PSIP1: variants seen among roughly 807,000 people sequenced by gnomAD.
PSIP1 encodes the protein PC4 and SFRS1-interacting protein.
A neutral mutation model predicts 74.7 loss-of-function variants in PSIP1; 19 were observed. That is an observed-to-expected ratio of 0.25 (90% CI 0.18 to 0.37). The LOEUF (loss-of-function observed/expected upper bound fraction) is 0.37. Ranked by LOEUF, PSIP1 falls within the 10% of genes least tolerant of loss-of-function variation. The probability of loss-of-function intolerance (pLI) is 1.00; values close to 1 mark genes in which losing one functional copy is unlikely to be tolerated. For synonymous variants in PSIP1, 222 were observed against 195.3 expected, an observed-to-expected ratio of 1.14 and a Z score of -1.14; for missense variants, 601 against 614.3, an observed-to-expected ratio of 0.98 and a Z score of 0.23.
Position 15,506,412 on chromosome 9 carries a change from C to G in PSIP1, c.149+149G>C. 7 of 512,882 alleles carry G rather than the reference C, an allele frequency of 1.4e-5. No individual in the cohort carries two copies. The East Asian group carries it at 2.0e-4, about 15-fold the overall frequency. The allele number at this position is 512,882 out of a possible 1,614,324, so 31.8% of individuals were successfully genotyped here. The stretch of plus-strand genomic sequence containing the variant: ...AACCTATAGCATCTGTAAACGCTAC[C>G]TTAAAAATAGAGACTTAAAGACTCT... On this transcript the variant is annotated intron_variant, in intron 3 of 15. Transcript: ENST00000380733.
Position 15,465,586 on chromosome 9 carries a change from G to T in PSIP1, c.1533-6C>A, listed in dbSNP as rs775234720. On this transcript the variant is annotated splice_polypyrimidine_tract_variant and splice_region_variant and intron_variant, in intron 15 of 15. Coordinates refer to ENST00000380733, the MANE Select transcript of PSIP1 (RefSeq NM_033222.5). ...CTCTCTCTTCACTGGATGGCCTGAA[G>T]AAAAGGGGGAAAGGTACAACTGGAA... 10 of 1,566,468 alleles carry T rather than the reference G, an allele frequency of 6.4e-6. No homozygotes were observed. Among genetic ancestry groups the T allele is most frequent in the Non-Finnish European group, 8.7e-6 (10 of 1,143,498 alleles).
chr9:15,478,613 A>G (rs976577981), intron 7 of PSIP1, 61 bp from the exon 8 acceptor site: 58 of 1,107,800 alleles, frequency 5.2e-5, no homozygotes, highest in Admixed American at 2.9e-4. Context: ...TACAAATCTC[A>G]GATATAAATA....
At chr9:15,492,320 A>C (rs909925564) in intron 3 of PSIP1, 1 of 152,280 alleles carries the variant, frequency 6.6e-6, no homozygotes, top group African/African-American at 2.4e-5. Flanking sequence ...GAAACTGACT[A>C]AAACAAAGGG....
intron 4 of PSIP1, 99 bp from the exon 5 acceptor site, chr9:15,487,030 A>C (rs2036586705): frequency 1.4e-5 from 10 of 704,464 alleles, no homozygotes; most frequent in Non-Finnish European, 2.1e-5. Context: ...ACAGGGTCTC[A>C]CTCTATCACC....
rs551869813 is a variant in PSIP1, at chr9:15,497,996, C to G, written c.150-7872G>C. Among the ~76,000 whole-genome samples, 16 of 152,270 alleles carry G rather than the reference C, an allele frequency of 1.1e-4. No homozygotes were observed. In the East Asian group the frequency reaches 2.5e-3, roughly 24 times the overall value. On this transcript the variant is annotated intron_variant, in intron 3 of 15. Coordinates refer to ENST00000380733, the MANE Select transcript of PSIP1 (RefSeq NM_033222.5). Reference sequence around the variant, plus strand: ...TACTTAACACCTACACACTATTTCACTGAATAGCTAAACCTATTGTTGGGC... The same window carrying G: ...TACTTAACACCTACACACTATTTCAGTGAATAGCTAAACCTATTGTTGGGC...
chr9:15,465,587 A>C lies in PSIP1; in HGVS notation c.1533-7T>G. ...TCTCTCTTCACTGGATGGCCTGAAG[A>C]AAAGGGGGAAAGGTACAACTGGAAT... On this transcript the variant is annotated splice_polypyrimidine_tract_variant and splice_region_variant and intron_variant, in intron 15 of 15. Transcript: ENST00000380733. The C allele has an allele frequency of 6.4e-7, 1 of 1,568,294 alleles. No homozygotes were observed. The highest frequency in any genetic ancestry group is 8.7e-7 in the Non-Finnish European group (1 of 1,144,188).
intron 4 of PSIP1, among the ~76,000 whole-genome samples, chr9:15,488,904 C>G (rs899216689): frequency 2.6e-5 from 4 of 152,156 alleles, no homozygotes; most frequent in Non-Finnish European, 2.9e-5. Context: ...ACCTGTAGTC[C>G]CAGCTACTCG....
chr9:15,502,307 C>T (rs1000696663), intron 3 of PSIP1, among the ~76,000 whole-genome samples: 3 of 152,112 alleles, frequency 2.0e-5, no homozygotes, highest in Admixed American at 2.0e-4. Flanking sequence ...TCACTACAGA[C>T]ATAACCATCT....
chr9:15,507,989 C>A (rs926154), intron 2 of PSIP1, among the ~76,000 whole-genome samples: 2 of 152,190 alleles, frequency 1.3e-5, no homozygotes, highest in African/African-American at 4.8e-5. Flanking sequence ...CTTAAGAGAT[C>A]ATTTCTGTTA....
intron 3 of PSIP1, among the ~76,000 whole-genome samples, chr9:15,496,570 T>G (rs77351075): frequency 0.014 from 2,083 of 152,290 alleles, 40 homozygotes; most frequent in African/African-American, 0.048. Context: ...ACTACAATTG[T>G]TTTTTATTCT....
intron 3 of PSIP1, chr9:15,505,529 T>C (rs2037546784): frequency 6.6e-6 from 1 of 151,962 alleles, no homozygotes; most frequent in South Asian, 2.1e-4. Context: ...AAACTTATTA[T>C]GAAATATTGT....
At chr9:15,506,460 A>G (rs2037591691) in intron 3 of PSIP1, 101 bp downstream of exon 3, 1 of 805,858 alleles carries the variant, frequency 1.2e-6, no homozygotes, top group South Asian at 2.0e-5. Flanking sequence ...AAGATTTTAA[A>G]GTTTCCTATT....
chr9:15,510,227 C>T lies in PSIP1; in HGVS notation c.-39G>A, dbSNP rs760204424. On this transcript the variant is annotated 5_prime_UTR_variant, in exon 2 of 16. Coordinates refer to ENST00000380733, the MANE Select transcript of PSIP1 (RefSeq NM_033222.5). ...GACCGGGGGTCCGAAGCCCGGGAGG[C>T]GGCGAGGAGATGCGGCGGCGCGGGG... 1.7e-5 allele frequency: 27 copies of T among 1,579,998 alleles called. No individual in the cohort carries two copies. Among genetic ancestry groups the T allele is most frequent in the East Asian group, 2.4e-5 (1 of 42,430 alleles).
chr9:15,476,639 G>A (rs2036093703), intron 8 of PSIP1, among the ~76,000 whole-genome samples: 1 of 152,200 alleles, frequency 6.6e-6, no homozygotes, highest in South Asian at 2.1e-4. Flanking sequence ...AATGATTCCT[G>A]AGGGATGGTT....
chr9:15,468,122 T>TAAAA (rs200766985), intron 14 of PSIP1, among the ~76,000 whole-genome samples: 31 of 77,574 alleles, frequency 4.0e-4, no homozygotes, highest in Admixed American at 1.2e-3. Flanking sequence ...ACTCCATCTT[T>TAAAA]TAAAAAAAAA....
In PSIP1 at chr9:15,492,625, C is replaced by A. The variant is rs117627175; in HGVS notation, c.150-2501G>T. ...CAGTGCCCCAGTGCGGACTCGGTGT[C>A]GGGGATGCAACCCCACATTTCCCTT... On this transcript the variant is annotated intron_variant, in intron 3 of 15. Coordinates refer to ENST00000380733, the MANE Select transcript of PSIP1 (RefSeq NM_033222.5). 1.9e-3 allele frequency among the ~76,000 whole-genome samples: 284 copies of A among 152,270 alleles called. 1 individual carries two copies. Among genetic ancestry groups the A allele is most frequent in the African/African-American group, 5.9e-3 (245 of 41,546 alleles).
Position 15,469,436 on chromosome 9 carries a change from A to G in PSIP1, c.1034-100T>C, listed in dbSNP as rs1587455202. The G allele has an allele frequency of 7.4e-6, 5 of 675,550 alleles. No individual in the cohort carries two copies. In the East Asian group the frequency reaches 1.1e-4, roughly 15 times the overall value. The allele number at this position is 675,550 out of a possible 1,614,324, so 41.8% of individuals were successfully genotyped here. ...ATGAATTAGTGGACTTAAAAAAAAAATGTTCTTAGTAATCTTTACTAAGAA... is the reference window on the plus strand; with the variant it reads ...ATGAATTAGTGGACTTAAAAAAAAAGTGTTCTTAGTAATCTTTACTAAGAA... On this transcript the variant is annotated intron_variant, in intron 11 of 15. Coordinates refer to ENST00000380733, the MANE Select transcript of PSIP1 (RefSeq NM_033222.5).
intron 2 of PSIP1, among the ~76,000 whole-genome samples, chr9:15,509,581 G>A (rs933419820): frequency 6.6e-6 from 1 of 152,168 alleles, no homozygotes; most frequent in South Asian, 2.1e-4. Context: ...CTAAACTACT[G>A]TAATACTTTC....
At position 15,466,700 on chromosome 9, in the gene PSIP1, A is replaced by G. The variant is rs757132529; in HGVS notation, c.1532+48T>C. On this transcript the variant is annotated intron_variant, in intron 15 of 15. Coordinates refer to ENST00000380733, the MANE Select transcript of PSIP1 (RefSeq NM_033222.5). ...CCTTGGAACAGAACTGTGATTAAAA[A>G]CCTGAATAATAAAAAACACACAAGA... The G allele has an allele frequency of 2.8e-6, 4 of 1,437,658 alleles. No individual in the cohort carries two copies. In the South Asian group the frequency reaches 3.7e-5, roughly 13 times the overall value. 89.1% of individuals were successfully genotyped at this position (1,437,658 alleles called of 1,614,324 possible).
Sources: gnomAD v4.1 joint callset for allele counts (sites outside exome capture counted in the v4.1 genomes callset) on GRCh38, gnomAD v4.1.1 for gene constraint, MANE v1.5 for transcripts, NCBI Gene and HGNC (gene_info 2026-07-23, HGNC 2026-07-21) for gene names.